Variants in GCFC2 observed in about 807,000 individuals in gnomAD.
GCFC2 encodes GC-rich sequence DNA-binding factor 2.
GCFC2 carries 102 observed loss-of-function variants against 99.4 expected under a neutral mutation model. That is an observed-to-expected ratio of 1.03 (90% CI 0.87 to 1.21). GCFC2 has a LOEUF of 1.21. Ranked by LOEUF, GCFC2 falls within the 50% of genes most tolerant of loss-of-function variation. The probability of loss-of-function intolerance (pLI) is 0.00; values close to 1 mark genes in which losing one functional copy is unlikely to be tolerated. For synonymous variants in GCFC2, 338 were observed against 316.8 expected, an observed-to-expected ratio of 1.07 and a Z score of -0.71; for missense variants, 973 against 920.9, an observed-to-expected ratio of 1.06 and a Z score of -0.73.
chr2:75,684,083 T>G (rs1679708504), intron 11 of GCFC2, among the ~76,000 whole-genome samples: 1 of 152,030 alleles, frequency 6.6e-6, no homozygotes, highest in Admixed American at 6.6e-5. Flanking sequence ...AACAGAAAAT[T>G]AACAAAGATA....
chr2:75,668,333 G>GCAAAA (rs1678940330), intron 15 of GCFC2, among the ~76,000 whole-genome samples: 1 of 150,620 alleles, frequency 6.6e-6, no homozygotes, highest in African/African-American at 2.5e-5. Context: ...GCATATAAGT[G>GCAAAA]CTAAAGAAAA....
chr2:75,664,659 A>C lies in GCFC2; in HGVS notation c.*7T>G, dbSNP rs754640236. ...TTAAAATTTTAGCATTTTCCAATAAAGTTTATTCAATCTTCTTTAATTAGT... is the reference window on the plus strand; with the variant it reads ...TTAAAATTTTAGCATTTTCCAATAACGTTTATTCAATCTTCTTTAATTAGT... On this transcript the variant is annotated 3_prime_UTR_variant, in exon 17 of 17. Transcript: ENST00000321027. 111 of 1,198,132 alleles carry C rather than the reference A, an allele frequency of 9.3e-5. No individual in the cohort carries two copies. The highest frequency in any genetic ancestry group is 8.1e-5 in the Non-Finnish European group (66 of 815,570). 74.2% of individuals were successfully genotyped at this position (1,198,132 alleles called of 1,614,324 possible). A position where few individuals can be genotyped will look rare whatever the true frequency, so the allele number is the denominator to read the frequency against.
Position 75,673,625 on chromosome 2 carries a change from C to T in GCFC2, c.1813-105G>A, listed in dbSNP as rs538828912. The T allele has an allele frequency of 1.2e-4, 78 of 638,742 alleles. 1 individual carries two copies. In the African/African-American group the frequency reaches 1.3e-3, roughly 11 times the overall value. The allele number at this position is 638,742 out of a possible 1,614,324, so 39.6% of individuals were successfully genotyped here. A position where few individuals can be genotyped will look rare whatever the true frequency, so the allele number is the denominator to read the frequency against. On this transcript the variant is annotated intron_variant, in intron 12 of 16. Coordinates refer to ENST00000321027, the MANE Select transcript of GCFC2 (RefSeq NM_003203.5). ...TACAAATTTATCCACACTCACATAA[C>T]CAGCTGTTAAAATAACTATCAATTG...
At chr2:75,710,950 G>C (rs1464573061), upstream of GCFC2, 1 of 1,367,146 alleles carries the variant, frequency 7.3e-7, no homozygotes, top group African/African-American at 1.5e-5. Flanking sequence ...GCCGCGCCTG[G>C]CCGCCGAGTG....
At chr2:75,689,483 A>G (rs1229710510) in intron 9 of GCFC2, among the ~76,000 whole-genome samples, 1 of 152,194 alleles carries the variant, frequency 6.6e-6, no homozygotes, top group African/African-American at 2.4e-5. Context: ...CCATATAGGT[A>G]TAGTCTACTT....
chr2:75,668,339 GAAAACAAAACAAAAC>G (rs368695001), intron 15 of GCFC2, among the ~76,000 whole-genome samples: 10 of 151,630 alleles, frequency 6.6e-5, no homozygotes, highest in Admixed American at 1.3e-4. Context: ...AAGTGCTAAA[GAAAACAAAACAAAAC>G]AAAACAAAAC....
intron 15 of GCFC2, among the ~76,000 whole-genome samples, chr2:75,668,895 C>A (rs941329134): frequency 8.5e-5 from 13 of 152,172 alleles, no homozygotes; most frequent in Non-Finnish European, 1.5e-4. Flanking sequence ...GTGCAGGAGA[C>A]TGTTTTCCAG....
At chr2:75,700,647 T>C (rs192207593) in intron 4 of GCFC2, among the ~76,000 whole-genome samples, 2 of 152,154 alleles carry the variant, frequency 1.3e-5, no homozygotes, top group African/African-American at 4.8e-5. Context: ...TACTATAAAA[T>C]TAAAGATTAA....
chr2:75,670,050 C>G (rs13429072), intron 15 of GCFC2, 88 bp downstream of exon 15: 147,778 of 836,956 alleles, frequency 0.18, 19,478 homozygotes, highest in African/African-American at 0.61. Context: ...GAGTACCACA[C>G]ATTTAATTAT....
Position 75,710,888 on chromosome 2 carries a change from C to T in GCFC2, c.-33G>A. 3.3e-6 allele frequency: 5 copies of T among 1,493,992 alleles called. No individual in the cohort carries two copies. Among genetic ancestry groups the T allele is most frequent in the Admixed American group, 2.1e-5 (1 of 46,772 alleles). 92.5% of individuals were successfully genotyped at this position (1,493,992 alleles called of 1,614,324 possible). A position where few individuals can be genotyped will look rare whatever the true frequency, so the allele number is the denominator to read the frequency against. On this transcript the variant is annotated 5_prime_UTR_variant, in exon 1 of 17. Coordinates refer to ENST00000321027, the MANE Select transcript of GCFC2 (RefSeq NM_003203.5). ...GCCCGAGCGCCCGGCGCCCTAGAAC[C>T]CGCTGAACCGCAAGCCGCAGCTTCA...
intron 4 of GCFC2, among the ~76,000 whole-genome samples, chr2:75,696,654 C>T (rs899831919): frequency 4.6e-5 from 7 of 152,200 alleles, no homozygotes; most frequent in African/African-American, 1.4e-4. Context: ...GTAGACAGAC[C>T]TGTCTGGCTG....
intron 11 of GCFC2, among the ~76,000 whole-genome samples, chr2:75,682,421 C>A (rs576954550): frequency 6.6e-6 from 1 of 151,794 alleles, no homozygotes; most frequent in Admixed American, 6.6e-5. Context: ...AAGGATGTAC[C>A]CTAAGAGACC....
rs896185720 is a variant in GCFC2, at chr2:75,664,382, C to A, written c.*284G>T. ...AACCTTTAGCAAGGTTTCTCCAGTT[C>A]CCCTCTTAAGAAAATTGAAAGACCA... On this transcript the variant is annotated 3_prime_UTR_variant, in exon 17 of 17. Transcript: ENST00000321027. 1 of 195,322 alleles carries A rather than the reference C, an allele frequency of 5.1e-6. No homozygotes were observed. Among genetic ancestry groups the A allele is most frequent in the Non-Finnish European group, 1.0e-5 (1 of 96,962 alleles). The allele number at this position is 195,322 out of a possible 1,614,324, so 12.1% of individuals were successfully genotyped here.
chr2:75,689,912 G>T, intron 9 of GCFC2, 57 bp downstream of exon 9: 2 of 875,726 alleles, frequency 2.3e-6, no homozygotes, highest in Non-Finnish European at 3.7e-6. Context: ...TCCCAGCAAA[G>T]TGTTTCTCAC....
At chr2:75,672,252 TA>T (rs1332107368) in intron 13 of GCFC2, among the ~76,000 whole-genome samples, 5 of 129,750 alleles carry the variant, frequency 3.9e-5, no homozygotes, top group African/African-American at 1.2e-4. Context: ...AATATGTTTA[TA>T]AAATATATAT....
chr2:75,684,777 T>C (rs1679738371), intron 11 of GCFC2, among the ~76,000 whole-genome samples: 1 of 152,162 alleles, frequency 6.6e-6, no homozygotes, highest in African/African-American at 2.4e-5. Context: ...TGTGGCACTA[T>C]TCACAATAGC....
chr2:75,702,065 G>A (rs1018430257), intron 3 of GCFC2, 134 bp downstream of exon 3: 5 of 1,450,766 alleles, frequency 3.4e-6, no homozygotes, highest in Non-Finnish European at 4.5e-6. Flanking sequence ...ACAATATCAT[G>A]GACCAAATCG....
chr2:75,688,458 ACTT>A (rs1462219477), intron 10 of GCFC2, among the ~76,000 whole-genome samples: 3 of 152,096 alleles, frequency 2.0e-5, no homozygotes, highest in East Asian at 3.8e-4. Context: ...CTGAGTTCAT[ACTT>A]CTTTTTTTTT....
intron 11 of GCFC2, among the ~76,000 whole-genome samples, chr2:75,686,493 A>G (rs902123690): frequency 3.3e-5 from 5 of 152,208 alleles, no homozygotes; most frequent in Admixed American, 6.5e-5. Flanking sequence ...CTATAATCCC[A>G]GTGCTTTGGG....
Sources: gnomAD v4.1 joint callset for allele counts (sites outside exome capture counted in the v4.1 genomes callset) on GRCh38, gnomAD v4.1.1 for gene constraint, MANE v1.5 for transcripts, NCBI Gene and HGNC (gene_info 2026-07-23, HGNC 2026-07-21) for gene names.